The following CPNE4 variants were observed in gnomAD, a reference collection of about 807,000 sequenced individuals.
CPNE4 encodes the protein copine 4.
CPNE4 carries 25 observed loss-of-function variants against 67.9 expected under a neutral mutation model. The ratio of observed to expected loss-of-function variants is 0.37; its 90% CI spans 0.27 to 0.51. The LOEUF is 0.51. Ranked by LOEUF, CPNE4 falls within the 20% of genes least tolerant of loss-of-function variation. The pLI, the probability that CPNE4 is intolerant of heterozygous loss-of-function variation, is 0.93. For synonymous variants in CPNE4, 242 were observed against 244.9 expected, an observed-to-expected ratio of 0.99 and a Z score of 0.11; for missense variants, 464 against 690.8, an observed-to-expected ratio of 0.67 and a Z score of 3.68.
At chr3:131,635,605 T>C (rs2079358389) in intron 7 of CPNE4, among the ~76,000 whole-genome samples, 1 of 152,266 alleles carries the variant, frequency 6.6e-6, no homozygotes, top group South Asian at 2.1e-4. Flanking sequence ...CCTATTGGAC[T>C]GTGCCAATAT....
Position 131,652,401 on chromosome 3 carries a change from C to T in CPNE4, c.681+17274G>A, listed in dbSNP as rs185959950. On this transcript the variant is annotated intron_variant, in intron 7 of 15. Transcript: ENST00000429747. ...TCTATTTCTTAATGTTGTCTAATAT[C>T]ACTATACAAAAGTAGAATACACTTG... 3.6e-3 allele frequency among the ~76,000 whole-genome samples: 549 copies of T among 152,264 alleles called. 3 individuals are homozygous for T. The highest frequency in any genetic ancestry group is 0.012 in the African/African-American group (501 of 41,552).
intron 7 of CPNE4, among the ~76,000 whole-genome samples, chr3:131,600,513 T>A (rs1006742022): frequency 8.5e-5 from 13 of 152,164 alleles, no homozygotes; most frequent in Admixed American, 7.2e-4. Context: ...CCACCAGTCT[T>A]TGTTTTAAGA....
At chr3:131,911,665 T>A (rs558834640) in intron 1 of CPNE4, among the ~76,000 whole-genome samples, 1 of 151,996 alleles carries the variant, frequency 6.6e-6, no homozygotes, top group Admixed American at 6.6e-5. Flanking sequence ...ATTTCTGGTC[T>A]GGTGATGAAG....
At chr3:131,664,755 G>T (rs936801952) in intron 7 of CPNE4, among the ~76,000 whole-genome samples, 2 of 152,234 alleles carry the variant, frequency 1.3e-5, no homozygotes, top group Admixed American at 6.5e-5. Flanking sequence ...TCACAATGTG[G>T]TTAGAAGTAA....
chr3:131,729,514 A>G (rs2082078844), intron 2 of CPNE4, among the ~76,000 whole-genome samples: 1 of 152,188 alleles, frequency 6.6e-6, no homozygotes, highest in Admixed American at 6.5e-5. Context: ...GACTGGCCTC[A>G]GAGTTAGTGG....
intron 7 of CPNE4, among the ~76,000 whole-genome samples, chr3:131,630,378 AG>A (rs2079190695): frequency 6.6e-6 from 1 of 152,242 alleles, no homozygotes; most frequent in Non-Finnish European, 1.5e-5. Context: ...CCACAGATAA[AG>A]GGGAACTACT....
intron 7 of CPNE4, among the ~76,000 whole-genome samples, chr3:131,626,761 T>C (rs916288377): frequency 6.6e-5 from 10 of 152,186 alleles, no homozygotes; most frequent in African/African-American, 2.4e-4. Flanking sequence ...TAAAAGTAAA[T>C]GCCATCTAGG....
In CPNE4 at chr3:131,622,524, G is replaced by A. The variant is rs144327019; in HGVS notation, c.682-34942C>T. Among the ~76,000 whole-genome samples the A allele has an allele frequency of 3.8e-3, 578 of 152,328 alleles. 3 individuals carry two copies. The highest frequency in any genetic ancestry group is 0.013 in the African/African-American group (528 of 41,568). Reference sequence around the variant, plus strand: ...AACAGATGTAGGTTGACAGTCAGTAGCTGAGAGAGACATACTGAAGCAGAG... The same window carrying A: ...AACAGATGTAGGTTGACAGTCAGTAACTGAGAGAGACATACTGAAGCAGAG... On this transcript the variant is annotated intron_variant, in intron 7 of 15. Transcript: ENST00000429747.
intron 1 of CPNE4, among the ~76,000 whole-genome samples, chr3:131,940,339 AG>A (rs1240723621): frequency 6.6e-6 from 1 of 152,114 alleles, no homozygotes; most frequent in African/African-American, 2.4e-5. Context: ...TCATGCACAC[AG>A]GGGAGAGAAA....
chr3:131,545,939 G>C (rs1250219638), intron 14 of CPNE4, among the ~76,000 whole-genome samples: 5 of 152,106 alleles, frequency 3.3e-5, no homozygotes, highest in Admixed American at 6.6e-5. Context: ...GCACGTGCCT[G>C]TAATCCCAGC....
intron 15 of CPNE4, among the ~76,000 whole-genome samples, chr3:131,541,590 T>TTTA (rs1559866534): frequency 6.6e-6 from 1 of 151,796 alleles, no homozygotes; most frequent in African/African-American, 2.4e-5. Context: ...TTTTTTTTTT[T>TTTA]ACCCTCTTGG....
intron 2 of CPNE4, among the ~76,000 whole-genome samples, chr3:131,781,227 AT>A (rs767876684): frequency 2.0e-4 from 31 of 152,066 alleles, no homozygotes; most frequent in Admixed American, 4.6e-4. Flanking sequence ...CAGCGAAGAC[AT>A]TTCCCCTGGT....
At position 131,954,895 on chromosome 3, in the gene CPNE4, T is replaced by C. The variant is rs1038080915; in HGVS notation, c.-1-49451A>G. On this transcript the variant is annotated intron_variant, in intron 1 of 15. Transcript: ENST00000429747. ...CACATTTTCTTAATCCAGTCTATCA[T>C]TGATGGACATTTGGGTTGGTTCCAA... Among the ~76,000 whole-genome samples the C allele has an allele frequency of 2.6e-5, 4 of 151,866 alleles. No homozygotes were observed. In the East Asian group the frequency reaches 5.8e-4, roughly 22 times the overall value.
intron 7 of CPNE4, among the ~76,000 whole-genome samples, chr3:131,660,147 A>G (rs894838779): frequency 1.3e-5 from 2 of 152,228 alleles, no homozygotes; most frequent in African/African-American, 2.4e-5. Flanking sequence ...AGATCAGTTT[A>G]TATGGTTTCT....
At chr3:131,728,266 T>C (rs1232444121) in intron 2 of CPNE4, among the ~76,000 whole-genome samples, 1 of 152,224 alleles carries the variant, frequency 6.6e-6, no homozygotes, top group African/African-American at 2.4e-5. Flanking sequence ...TTCATTCTTA[T>C]AACAATATGA....
intron 2 of CPNE4, among the ~76,000 whole-genome samples, chr3:131,873,062 T>C (rs754605322): frequency 6.6e-6 from 1 of 152,216 alleles, no homozygotes; most frequent in Non-Finnish European, 1.5e-5. Flanking sequence ...AGTGATACCA[T>C]CTTACATGGT....
rs1459585450 is a variant in CPNE4, at chr3:131,906,670, G to A, written c.-1-1226C>T. On this transcript the variant is annotated intron_variant, in intron 1 of 15. Transcript: ENST00000429747. ...TCTATCATTGTTGGACATTTGGGTTGTTTCCAAGTCTTTGCTATCGTGAAT... is the reference window on the plus strand; with the variant it reads ...TCTATCATTGTTGGACATTTGGGTTATTTCCAAGTCTTTGCTATCGTGAAT... Among the ~76,000 whole-genome samples the A allele has an allele frequency of 4.6e-5, 7 of 151,994 alleles. No individual in the cohort carries two copies. In the East Asian group the frequency reaches 1.4e-3, roughly 30 times the overall value.
chr3:131,727,627 CTATT>C (rs1341737085), intron 2 of CPNE4, among the ~76,000 whole-genome samples: 12 of 152,264 alleles, frequency 7.9e-5, no homozygotes, highest in Admixed American at 5.9e-4. Flanking sequence ...AAGTATATAT[CTATT>C]TAAAGTATAC....
intron 2 of CPNE4, among the ~76,000 whole-genome samples, chr3:131,794,157 T>C (rs561463726): frequency 2.0e-5 from 3 of 152,160 alleles, no homozygotes; most frequent in Non-Finnish European, 4.4e-5. Context: ...GGATGTATCC[T>C]GACATACAGA....
Sources: allele counts gnomAD v4.1 joint callset (sites outside exome capture counted in the v4.1 genomes callset), GRCh38; gene constraint gnomAD v4.1.1; transcripts MANE v1.5; gene names NCBI Gene and HGNC (gene_info 2026-07-23, HGNC 2026-07-21).